Variants in ACAD11 observed in about 807,000 individuals in gnomAD.
ACAD11 encodes acyl-CoA dehydrogenase family member 11.
Under a neutral mutation model 102.2 loss-of-function variants are expected in ACAD11, and 83 were observed. That is an observed-to-expected ratio of 0.81 (90% CI 0.68 to 0.97). The LOEUF (loss-of-function observed/expected upper bound fraction) is 0.97. Among genes scored for constraint, ACAD11 ranks in the 50% least tolerant of loss-of-function variants. The pLI is 0.00. For synonymous variants in ACAD11, 324 were observed against 319.8 expected, an observed-to-expected ratio of 1.01 and a Z score of -0.14; for missense variants, 901 against 951.7, an observed-to-expected ratio of 0.95 and a Z score of 0.70.
chr3:132,653,568 A>G (rs1253076591), intron 1 of ACAD11, among the ~76,000 whole-genome samples: 1 of 152,158 alleles, frequency 6.6e-6, no homozygotes, highest in Non-Finnish European at 1.5e-5. Context: ...TATTTTTTAA[A>G]AAGCTTTCTC....
chr3:132,562,822 G>A (rs957113018), intron 17 of ACAD11, among the ~76,000 whole-genome samples: 1 of 152,176 alleles, frequency 6.6e-6, no homozygotes, highest in Non-Finnish European at 1.5e-5. Flanking sequence ...CAGGACGCTA[G>A]TCATTTGCCA....
intron 13 of ACAD11, among the ~76,000 whole-genome samples, chr3:132,585,290 T>C (rs1576562063): frequency 6.6e-6 from 1 of 152,308 alleles, no homozygotes; most frequent in East Asian, 1.9e-4. Flanking sequence ...TGGGTAGCCA[T>C]ATGTAGAAAG....
intron 1 of ACAD11, among the ~76,000 whole-genome samples, chr3:132,650,809 T>G (rs1450395397): frequency 1.3e-5 from 2 of 152,180 alleles, no homozygotes; most frequent in African/African-American, 2.4e-5. Context: ...TTTCATTGTG[T>G]TCTTTATCCC....
intron 5 of ACAD11, 39 bp downstream of exon 5, chr3:132,639,453 C>A: frequency 6.3e-7 from 1 of 1,589,954 alleles, no homozygotes; most frequent in Non-Finnish European, 8.6e-7. Flanking sequence ...TGTCACAAAA[C>A]AGACCTACTC....
At chr3:132,649,419 C>T (rs1218036386) in intron 1 of ACAD11, among the ~76,000 whole-genome samples, 1 of 152,220 alleles carries the variant, frequency 6.6e-6, no homozygotes, top group African/African-American at 2.4e-5. Flanking sequence ...CTCTGTTACT[C>T]TTTACTCTAC....
At chr3:132,586,248 A>AG (rs547927584) in intron 13 of ACAD11, among the ~76,000 whole-genome samples, 37 of 152,298 alleles carry the variant, frequency 2.4e-4, no homozygotes, top group African/African-American at 8.7e-4. Flanking sequence ...AGGACAAAAA[A>AG]GCAAACACCG....
intron 9 of ACAD11, 128 bp downstream of exon 9, chr3:132,626,561 GGT>G (rs1939821665): frequency 1.9e-6 from 2 of 1,049,594 alleles, no homozygotes; most frequent in South Asian, 1.6e-5. Context: ...TTAGTTCTAA[GGT>G]GAGAAGAAGA....
chr3:132,635,640 AT>A (rs1940243751), intron 5 of ACAD11, among the ~76,000 whole-genome samples: 1 of 152,168 alleles, frequency 6.6e-6, no homozygotes, highest in African/African-American at 2.4e-5. Flanking sequence ...TAGTTTGAAG[AT>A]TAAATGGGCG....
chr3:132,564,874 G>A (rs1008719919), intron 17 of ACAD11, among the ~76,000 whole-genome samples: 4 of 152,192 alleles, frequency 2.6e-5, no homozygotes, highest in Non-Finnish European at 5.9e-5. Context: ...AGGTCCAAAA[G>A]AATAACCTAG....
In ACAD11 at chr3:132,559,269, C is replaced by A. The variant is rs796497541; in HGVS notation, c.2229-184G>T. ...CTTCTGCAATGCCATCTTAAAGTTTCCAACTTGGGAAAGTTAAATGCCAAA... is the reference window on the plus strand; with the variant it reads ...CTTCTGCAATGCCATCTTAAAGTTTACAACTTGGGAAAGTTAAATGCCAAA... On this transcript the variant is annotated intron_variant, in intron 19 of 19. Coordinates refer to ENST00000264990, the MANE Select transcript of ACAD11 (RefSeq NM_032169.5). 3.3e-5 allele frequency among the ~76,000 whole-genome samples: 5 copies of A among 152,220 alleles called. No homozygotes were observed. The South Asian group carries it at 1.0e-3, about 32-fold the overall frequency.
intron 9 of ACAD11, among the ~76,000 whole-genome samples, chr3:132,622,742 G>C (rs1354168914): frequency 6.6e-6 from 1 of 152,118 alleles, no homozygotes; most frequent in African/African-American, 2.4e-5. Flanking sequence ...CTTGGTGCCT[G>C]GTCAATCTTC....
intron 17 of ACAD11, among the ~76,000 whole-genome samples, chr3:132,569,372 TAC>T (rs1368922341): frequency 1.3e-5 from 2 of 152,102 alleles, no homozygotes; most frequent in African/African-American, 4.8e-5. Flanking sequence ...GAATCACTCA[TAC>T]ACAGTTAGTG....
intron 5 of ACAD11, among the ~76,000 whole-genome samples, chr3:132,638,293 T>C (rs1239835552): frequency 1.3e-5 from 2 of 152,168 alleles, no homozygotes; most frequent in Admixed American, 1.3e-4. Flanking sequence ...AATATCCATT[T>C]TGCAGAATTT....
chr3:132,588,813 T>C (rs1180115727), intron 13 of ACAD11, among the ~76,000 whole-genome samples: 1 of 152,224 alleles, frequency 6.6e-6, no homozygotes. Context: ...TCCTAATTTA[T>C]CCAAACGTCT....
chr3:132,580,495 C>T (rs1384299583), intron 13 of ACAD11, among the ~76,000 whole-genome samples: 1 of 151,726 alleles, frequency 6.6e-6, no homozygotes, highest in Non-Finnish European at 1.5e-5. Flanking sequence ...AGAGAGAGAC[C>T]TAAAAGGCGT....
chr3:132,568,763 T>A (rs1384452104), intron 17 of ACAD11, among the ~76,000 whole-genome samples: 4 of 136,994 alleles, frequency 2.9e-5, no homozygotes, highest in African/African-American at 1.2e-4. Flanking sequence ...ACATAGCTTT[T>A]TCAAAAAACG....
rs1211656788 is a variant in ACAD11 at position 132,569,291 on chromosome 3, C to A, written c.2001+6481G>T. Among the ~76,000 whole-genome samples, 3 of 152,224 alleles carry A rather than the reference C, an allele frequency of 2.0e-5. No individual in the cohort carries two copies. The East Asian group carries it at 5.8e-4, about 29-fold the overall frequency. On this transcript the variant is annotated intron_variant, in intron 17 of 19. Coordinates refer to ENST00000264990, the MANE Select transcript of ACAD11 (RefSeq NM_032169.5). The stretch of plus-strand genomic sequence containing the variant: ...TTAAAGCCACAATGAGATATCACTA[C>A]AAACCCATCAGAATGGCTAAAATTA...
At chr3:132,609,154 A>C (rs1938996445) in intron 11 of ACAD11, among the ~76,000 whole-genome samples, 1 of 152,226 alleles carries the variant, frequency 6.6e-6, no homozygotes, top group African/African-American at 2.4e-5. Context: ...ATTTAGAGGG[A>C]AATTTTTAGC....
At chr3:132,615,226 G>A (rs1041540736) in intron 11 of ACAD11, among the ~76,000 whole-genome samples, 3 of 152,128 alleles carry the variant, frequency 2.0e-5, no homozygotes, top group Non-Finnish European at 4.4e-5. Flanking sequence ...CACTGTTGGT[G>A]GGAGTGTAAA....
Sources: gnomAD v4.1 joint callset for allele counts (sites outside exome capture counted in the v4.1 genomes callset) on GRCh38, gnomAD v4.1.1 for gene constraint, MANE v1.5 for transcripts, NCBI Gene and HGNC (gene_info 2026-07-23, HGNC 2026-07-21) for gene names.